Variants in DDX39A observed in about 807,000 individuals in gnomAD.
DDX39A encodes the protein DExD-box helicase 39A, also known as ATP-dependent RNA helicase DDX39A.
A neutral mutation model predicts 46.3 loss-of-function variants in DDX39A; 13 were observed. The ratio of observed to expected loss-of-function variants is 0.28; its 90% CI spans 0.18 to 0.45. DDX39A has a LOEUF of 0.45. DDX39A is among the 20% of genes least tolerant of loss of function. The probability of loss-of-function intolerance (pLI) is 1.00; values close to 1 mark genes in which losing one functional copy is unlikely to be tolerated. For synonymous variants in DDX39A, 234 were observed against 224.6 expected, an observed-to-expected ratio of 1.04 and a Z score of -0.38; for missense variants, 352 against 581.8, an observed-to-expected ratio of 0.61 and a Z score of 4.06.
At chr19:14,414,609 A>G (rs111334344) in intron 1 of DDX39A, among the ~76,000 whole-genome samples, 191 of 149,024 alleles carry the variant, frequency 1.3e-3, no homozygotes, top group African/African-American at 4.1e-3. Context: ...TCAGCCTCCT[A>G]AAGTGCTGGG....
chr19:14,408,861 C>A lies in DDX39A; in HGVS notation c.*75G>T. 6.6e-7 allele frequency: 1 copy of A among 1,521,594 alleles called. No homozygotes were observed. Among genetic ancestry groups the A allele is most frequent in the Non-Finnish European group, 8.8e-7 (1 of 1,134,206 alleles). 94.3% of individuals were successfully genotyped at this position (1,521,594 alleles called of 1,614,324 possible). ...TATTCTCATACAATCTCTAGCTTCT[C>A]AACAGTGGCGCCTGGAAAGGGGAGG... On this transcript the variant is annotated 3_prime_UTR_variant, in exon 11 of 11. Coordinates refer to ENST00000242776, the MANE Select transcript of DDX39A (RefSeq NM_005804.4).
intron 1 of DDX39A, among the ~76,000 whole-genome samples, chr19:14,413,432 A>G (rs969989806): frequency 3.3e-5 from 5 of 150,856 alleles, no homozygotes; most frequent in Admixed American, 6.6e-5. Flanking sequence ...CCACAGACAG[A>G]ACACCCTCCA....
In DDX39A at chr19:14,413,197, G is replaced by A. The variant is rs765862574; in HGVS notation, c.24C>T (p.Asn8=). 14 of 1,614,004 alleles carry A rather than the reference G, an allele frequency of 8.7e-6. No homozygotes were observed. The highest frequency in any genetic ancestry group is 2.2e-5 in the East Asian group (1 of 44,884). MAEQDVE[N]DLLDYDEEEE... is the part of the protein sequence containing the mutation. ...CCTCTTCATCGTAATCCAAAAGATC[G>A]TTTTCCACATCCTGTTCTGCCATGA... The change falls in exon 2 of 11, where the codon AAC becomes AAT. Residue 8 remains asparagine, a synonymous_variant. Transcript: ENST00000242776.
Position 14,409,350 on chromosome 19 carries a change from C to T in DDX39A, c.1072G>A (p.Val358Ile), listed in dbSNP as rs751299237. The change falls in exon 9 of 11, where the codon GTC becomes ATC. Residue 358 changes from valine (V) to isoleucine (I), a missense_variant. By Grantham distance (29) the Val-to-Ile change is conservative (BLOSUM62 3). Transcript: ENST00000242776. This position sits in a 1 kb window ranked among gnomAD's most constrained non-coding sequence, Gnocchi z 8.3. ...TCCTCAGGCATGTCGTAGTTAAAGACGATGTTGACTCGCTCGATGTCCATC... is the reference window on the plus strand; with the variant it reads ...TCCTCAGGCATGTCGTAGTTAAAGATGATGTTGACTCGCTCGATGTCCATC... Reference protein sequence around the residue: ...RGMDIERVNIVFNYDMPEDSD... With the variant: ...RGMDIERVNIIFNYDMPEDSD... 3.7e-6 allele frequency: 6 copies of T among 1,614,192 alleles called. No individual in the cohort carries two copies. The East Asian group carries it at 6.7e-5, about 18-fold the overall frequency.
Position 14,412,770 on chromosome 19 carries a change from A to G in DDX39A, c.209-92T>C. 1 of 1,507,660 alleles carries G rather than the reference A, an allele frequency of 6.6e-7. No homozygotes were observed. 93.4% of individuals were successfully genotyped at this position (1,507,660 alleles called of 1,614,324 possible). A position where few individuals can be genotyped will look rare whatever the true frequency, so the allele number is the denominator to read the frequency against. ...TGACCGGGGGCCCACAGTGAGGGCA[A>G]TCAGAAGAGGCCGAGTCCGGACAAG... On this transcript the variant is annotated intron_variant, in intron 2 of 10. Coordinates refer to ENST00000242776, the MANE Select transcript of DDX39A (RefSeq NM_005804.4). The surrounding 1 kb of genome is among the most constrained non-coding windows in gnomAD (Gnocchi z 4.4).
intron 1 of DDX39A, chr19:14,418,847 A>G (rs1976927294): frequency 4.4e-6 from 2 of 452,370 alleles, no homozygotes; most frequent in African/African-American, 4.0e-5. Context: ...TGGGAAAGGG[A>G]TCAAGTCCCT....
chr19:14,418,345 C>G (rs1206392546), intron 1 of DDX39A, among the ~76,000 whole-genome samples: 4 of 152,228 alleles, frequency 2.6e-5, no homozygotes, highest in African/African-American at 9.6e-5. Flanking sequence ...GCGGGGAACT[C>G]ACAACCCAGA....
At chr19:14,413,693 A>G (rs1976685717) in intron 1 of DDX39A, among the ~76,000 whole-genome samples, 1 of 152,194 alleles carries the variant, frequency 6.6e-6, no homozygotes, top group Non-Finnish European at 1.5e-5. Context: ...GAACCTCCTC[A>G]GACTACTCAG....
chr19:14,413,234 G>C lies in DDX39A; in HGVS notation c.-4-10C>G. On this transcript the variant is annotated splice_polypyrimidine_tract_variant and intron_variant, in intron 1 of 10. Coordinates refer to ENST00000242776, the MANE Select transcript of DDX39A (RefSeq NM_005804.4). ...CTGTTCTGCCATGATGCTGAGAAGAGAGAGAGGCAGGGTCCCGCGAGTGGG... is the reference window on the plus strand; with the variant it reads ...CTGTTCTGCCATGATGCTGAGAAGACAGAGAGGCAGGGTCCCGCGAGTGGG... 6.2e-7 allele frequency: 1 copy of C among 1,611,722 alleles called. No individual in the cohort carries two copies. Among genetic ancestry groups the C allele is most frequent in the East Asian group, 2.2e-5 (1 of 44,852 alleles).
intron 1 of DDX39A, 133 bp downstream of exon 1, chr19:14,419,137 C>T (rs1976945006): frequency 2.7e-6 from 1 of 363,718 alleles, no homozygotes; most frequent in Non-Finnish European, 5.4e-6. Flanking sequence ...CTCTGACACA[C>T]CAACCGCCCC....
At chr19:14,413,696 C>A (rs892073109) in intron 1 of DDX39A, among the ~76,000 whole-genome samples, 1 of 152,236 alleles carries the variant, frequency 6.6e-6, no homozygotes, top group Non-Finnish European at 1.5e-5. Flanking sequence ...CCTCCTCAGA[C>A]TACTCAGCCC....
intron 1 of DDX39A, among the ~76,000 whole-genome samples, chr19:14,414,531 C>T (rs935879568): frequency 1.3e-5 from 2 of 149,476 alleles, no homozygotes; most frequent in African/African-American, 4.9e-5. Context: ...TTGTAGTTTT[C>T]GTAGAGACAG....
rs908345442 is a variant in DDX39A, at chr19:14,412,308, T to G, written c.336+243A>C. On this transcript the variant is annotated intron_variant, in intron 3 of 10. Transcript: ENST00000242776. This position sits in a 1 kb window ranked among gnomAD's most constrained non-coding sequence, Gnocchi z 4.4. ...GGCACTTTCCAGTTATTTTGGCTTA[T>G]TGGCAATTTCTAATTTTTGTTATAA... The G allele has an allele frequency of 2.5e-4, 119 of 467,836 alleles. No homozygotes were observed. Among genetic ancestry groups the G allele is most frequent in the African/African-American group, 2.2e-3 (112 of 50,708 alleles). The allele number at this position is 467,836 out of a possible 1,614,324, so 29.0% of individuals were successfully genotyped here. A position where few individuals can be genotyped will look rare whatever the true frequency, so the allele number is the denominator to read the frequency against.
chr19:14,414,330 TATTATTA>T (rs2146392082), intron 1 of DDX39A, among the ~76,000 whole-genome samples: 1 of 64,854 alleles, frequency 1.5e-5, no homozygotes, highest in African/African-American at 8.6e-5. Context: ...CCTGTTTTAT[TATTATTA>T]TTATTATTAT....
intron 1 of DDX39A, among the ~76,000 whole-genome samples, chr19:14,415,473 T>C (rs1331254249): frequency 1.3e-5 from 2 of 151,936 alleles, no homozygotes; most frequent in African/African-American, 4.8e-5. Flanking sequence ...ATTTTTGTAT[T>C]TGTAACAGAG....
At chr19:14,415,656 C>T (rs528826383) in intron 1 of DDX39A, among the ~76,000 whole-genome samples, 1 of 151,950 alleles carries the variant, frequency 6.6e-6, no homozygotes, top group South Asian at 2.1e-4. Flanking sequence ...TTTTGCTTAA[C>T]CACTGTCAGC....
chr19:14,416,912 G>A (rs1423711898), intron 1 of DDX39A, among the ~76,000 whole-genome samples: 2 of 152,064 alleles, frequency 1.3e-5, no homozygotes, highest in African/African-American at 2.4e-5. Context: ...TGAACTCCTG[G>A]ACTCAAGCAA....
chr19:14,410,905 T>C lies in DDX39A; in HGVS notation c.613+84A>G. 2 of 1,324,314 alleles carry C rather than the reference T, an allele frequency of 1.5e-6. No individual in the cohort carries two copies. Among genetic ancestry groups the C allele is most frequent in the Non-Finnish European group, 2.0e-6 (2 of 990,616 alleles). 82.0% of individuals were successfully genotyped at this position (1,324,314 alleles called of 1,614,324 possible). A position where few individuals can be genotyped will look rare whatever the true frequency, so the allele number is the denominator to read the frequency against. ...GAGCCCCGCCTGCCGGCCGCCCATG[T>C]AACCCACTCAAGAGCCTTCCGCCTG... On this transcript the variant is annotated intron_variant, in intron 5 of 10. Coordinates refer to ENST00000242776, the MANE Select transcript of DDX39A (RefSeq NM_005804.4). The surrounding 1 kb of genome is among the most constrained non-coding windows in gnomAD (Gnocchi z 4.3).
In DDX39A at chr19:14,411,234, G is replaced by A. The variant is rs923740950; in HGVS notation, c.430-62C>T. On this transcript the variant is annotated intron_variant, in intron 4 of 10. Coordinates refer to ENST00000242776, the MANE Select transcript of DDX39A (RefSeq NM_005804.4). This position sits in a 1 kb window ranked among gnomAD's most constrained non-coding sequence, Gnocchi z 4.1. ...CACGGCCCAAGGCCCCAACCTGCAC[G>A]GCCCAGCACCTGCGAACAGGAGGCC... The A allele has an allele frequency of 4.1e-5, 61 of 1,504,154 alleles. 2 individuals are homozygous for A. The highest frequency in any genetic ancestry group is 1.1e-4 in the African/African-American group (8 of 71,516). The allele number at this position is 1,504,154 out of a possible 1,614,324, so 93.2% of individuals were successfully genotyped here.
Sources: gnomAD v4.1 joint callset for allele counts (sites outside exome capture counted in the v4.1 genomes callset) on GRCh38, gnomAD v4.1.1 for gene constraint, Gnocchi (gnomAD v3.1) non-coding constraint, MANE v1.5 for transcripts, NCBI Gene and HGNC (gene_info 2026-07-23, HGNC 2026-07-21) for gene names.